Variants in TEX51 observed in about 807,000 individuals in gnomAD.
TEX51 encodes testis expressed 51.
In TEX51, 14 loss-of-function variants were observed where a neutral mutation model predicts 8.0. The observed-to-expected ratio is 1.76, with a 90% CI of 1.16 to 2.75. The LOEUF is 2.75. Among genes scored for constraint, TEX51 ranks in the 30% most tolerant of loss-of-function variants. TEX51 has a pLI of 0.00. For synonymous variants in TEX51, 58 were observed against 28.6 expected (o/e 2.03, Z -3.29); for missense variants, 142 against 77.4 (o/e 1.83, Z -3.13).
At position 126,898,948 on chromosome 2, in the gene TEX51, G is replaced by T; in HGVS notation, c.30G>T (p.Leu10=). ...TGCCTCTCCTGATCATCTGTCTCCT[G>T]CCTGCCATTGAAGGGAAGAACTGCC... is the stretch of plus-strand genomic sequence containing the variant. The part of the protein sequence containing the change: MLPLLIICL[L]PAIEGKNCLR... The change falls in exon 1 of 7, where the codon CTG becomes CTT. Residue 10 remains leucine (L), a synonymous_variant. Coordinates refer to ENST00000568484, the MANE Select transcript of TEX51 (RefSeq NM_001322244.2). 1 of 701,070 alleles carries T rather than the reference G, an allele frequency of 1.4e-6. No individual in the cohort carries two copies. Among genetic ancestry groups the T allele is most frequent in the Non-Finnish European group, 2.6e-6 (1 of 384,800 alleles). The allele number at this position is 701,070 out of a possible 1,614,324, so 43.4% of individuals were successfully genotyped here. A position where few individuals can be genotyped will look rare whatever the true frequency, so the allele number is the denominator to read the frequency against.
At chr2:126,899,727 C>T in intron 3 of TEX51, 115 bp downstream of exon 3, 2 of 699,146 alleles carry the variant, frequency 2.9e-6, no homozygotes, top group Non-Finnish European at 5.2e-6. Context: ...CCCCACCCCT[C>T]TCCATGAATG....
At position 126,899,456 on chromosome 2, in the gene TEX51, A is replaced by G. The variant is rs1055419658; in HGVS notation, c.221-67A>G. 91 of 680,354 alleles carry G rather than the reference A, an allele frequency of 1.3e-4. No homozygotes were observed. In the African/African-American group the frequency reaches 1.4e-3, roughly 11 times the overall value. The allele number at this position is 680,354 out of a possible 1,614,324, so 42.1% of individuals were successfully genotyped here. A position where few individuals can be genotyped will look rare whatever the true frequency, so the allele number is the denominator to read the frequency against. On this transcript the variant is annotated intron_variant, in intron 2 of 6. Coordinates refer to ENST00000568484, the MANE Select transcript of TEX51 (RefSeq NM_001322244.2). Reference sequence around the variant, plus strand: ...TCTTTGGAACTTCCATGTAGAAACAAGGGTCTGAAAACCCAACCTTGAGCA... The same window carrying G: ...TCTTTGGAACTTCCATGTAGAAACAGGGGTCTGAAAACCCAACCTTGAGCA...
At chr2:126,899,107 C>T (rs1313464578) in intron 1 of TEX51, 44 bp downstream of exon 1, 3 of 701,172 alleles carry the variant, frequency 4.3e-6, no homozygotes, top group South Asian at 3.0e-5. Flanking sequence ...TTCTCAAACC[C>T]TGGTACCTTG....
At position 126,902,001 on chromosome 2, in the gene TEX51, A is replaced by C; in HGVS notation, c.*132A>C. The C allele has an allele frequency of 1.7e-6, 1 of 576,284 alleles. No homozygotes were observed. The highest frequency in any genetic ancestry group is 2.1e-5 in the South Asian group (1 of 47,582). 35.7% of individuals were successfully genotyped at this position (576,284 alleles called of 1,614,324 possible). On this transcript the variant is annotated 3_prime_UTR_variant, in exon 7 of 7. Coordinates refer to ENST00000568484, the MANE Select transcript of TEX51 (RefSeq NM_001322244.2). The stretch of plus-strand genomic sequence containing the variant: ...CCTCCATCCTGGGTCCTGGGGCCCC[A>C]AAGCTCTGAGGCCTAGGAGACTGCG...
chr2:126,899,995 T>A lies in TEX51; in HGVS notation c.370T>A (p.Cys124Ser), dbSNP rs1212991634. 1.4e-6 allele frequency: 1 copy of A among 701,138 alleles called. No individual in the cohort carries two copies. Among genetic ancestry groups the A allele is most frequent in the South Asian group, 1.5e-5 (1 of 67,526 alleles). The allele number at this position is 701,138 out of a possible 1,614,324, so 43.4% of individuals were successfully genotyped here. ...TGACTGCAGGACTCACTTCCTCTCC[T>A]GCAATGACCCCACTTTCTGCCCAGG... The part of the protein sequence containing the change: ...CADCRTHFLS[C>S]NDPTFCPARN... The change falls in exon 4 of 7, where the codon TGC becomes AGC. Residue 124 changes from cysteine to serine, a missense_variant. Coordinates refer to ENST00000568484, the MANE Select transcript of TEX51 (RefSeq NM_001322244.2).
Position 126,899,998 on chromosome 2 carries a change from A to C in TEX51, c.373A>C (p.Asn125His), listed in dbSNP as rs551894807. 1.6e-4 allele frequency: 111 copies of C among 700,958 alleles called. No individual in the cohort carries two copies. Among genetic ancestry groups the C allele is most frequent in the Admixed American group, 2.6e-4 (13 of 49,960 alleles). 43.4% of individuals were successfully genotyped at this position (700,958 alleles called of 1,614,324 possible). The change falls in exon 4 of 7, where the codon AAT becomes CAT. Residue 125 changes from asparagine to histidine, a missense_variant. Physicochemically the swap from Asn to His is moderately conservative, Grantham distance 68 (BLOSUM62 1). Coordinates refer to ENST00000568484, the MANE Select transcript of TEX51 (RefSeq NM_001322244.2). ...CTGCAGGACTCACTTCCTCTCCTGC[A>C]ATGACCCCACTTTCTGCCCAGGTCA... is the stretch of plus-strand genomic sequence containing the variant. ...ADCRTHFLSC[N>H]DPTFCPARNR...
Position 126,898,897 on chromosome 2 carries a change from C to T in TEX51, c.-22C>T. On this transcript the variant is annotated 5_prime_UTR_variant, in exon 1 of 7. Transcript: ENST00000568484. ...GGAACTTCCAGGCAGGGCACTGGGG[C>T]ACAGTAGGAGGAACCCAGAAGATGC... 4.3e-6 allele frequency: 3 copies of T among 691,684 alleles called. No individual in the cohort carries two copies. The highest frequency in any genetic ancestry group is 7.9e-6 in the Non-Finnish European group (3 of 378,080). The allele number at this position is 691,684 out of a possible 1,614,324, so 42.8% of individuals were successfully genotyped here.
At chr2:126,901,804 G>C (rs1680346660) in intron 6 of TEX51, 68 bp from the exon 7 acceptor site, 4 of 568,498 alleles carry the variant, frequency 7.0e-6, no homozygotes, top group South Asian at 6.7e-5. Flanking sequence ...GGAAGTTAGA[G>C]AGACAGGGAG....
Position 126,899,038 on chromosome 2 carries a change from AG to A in TEX51, c.123del (p.Pro42HisfsTer52), listed in dbSNP as rs1680172556. On this transcript the variant is annotated frameshift_variant, in exon 1 of 7. Transcript: ENST00000568484. LOFTEE classifies it high-confidence loss of function. ...YDLQILWVTP[G>X]PPTELSQNRD... ...ACCTGCAGATCCTCTGGGTGACCCC[AG>A]GGCCACCCACAGAACTTTCTCAAAG... 2.8e-6 allele frequency: 2 copies of A among 702,308 alleles called. No homozygotes were observed. Among genetic ancestry groups the A allele is most frequent in the East Asian group, 5.4e-5 (2 of 37,276 alleles). The allele number at this position is 702,308 out of a possible 1,614,324, so 43.5% of individuals were successfully genotyped here. A position where few individuals can be genotyped will look rare whatever the true frequency, so the allele number is the denominator to read the frequency against.
chr2:126,899,645 C>T (rs3795873), intron 3 of TEX51, 33 bp downstream of exon 3: 573,066 of 696,790 alleles, frequency 0.82, 240,644 homozygotes, highest in Non-Finnish European at 0.87. Flanking sequence ...GCACACGGCC[C>T]AGCCCTCCAC....
At chr2:126,901,138 G>A (rs1680306772) in intron 4 of TEX51, 72 bp from the exon 5 acceptor site, 1 of 599,922 alleles carries the variant, frequency 1.7e-6, no homozygotes, top group Admixed American at 2.9e-5. Flanking sequence ...ATGAGAGGAT[G>A]GTGGCCTTCT....
rs1447944833 is a variant in TEX51 at position 126,898,944 on chromosome 2, T to C, written c.26T>C (p.Leu9Pro). 1.4e-6 allele frequency: 1 copy of C among 700,870 alleles called. No individual in the cohort carries two copies. The highest frequency in any genetic ancestry group is 2.6e-6 in the Non-Finnish European group (1 of 384,812). The allele number at this position is 700,870 out of a possible 1,614,324, so 43.4% of individuals were successfully genotyped here. A position where few individuals can be genotyped will look rare whatever the true frequency, so the allele number is the denominator to read the frequency against. Residue 9 changes from leucine (L) to proline (P), a missense_variant, in exon 1 of 7, where the codon CTC becomes CCC. By Grantham distance (98) the Leu-to-Pro change is moderately conservative. Coordinates refer to ENST00000568484, the MANE Select transcript of TEX51 (RefSeq NM_001322244.2). MLPLLIICLLPAIEGKNCL... is the reference protein window; with the variant it reads MLPLLIICPLPAIEGKNCL... ...ATGCTGCCTCTCCTGATCATCTGTCTCCTGCCTGCCATTGAAGGGAAGAAC... is the reference window on the plus strand; with the variant it reads ...ATGCTGCCTCTCCTGATCATCTGTCCCCTGCCTGCCATTGAAGGGAAGAAC...
Position 126,901,351 on chromosome 2 carries a change from G to A in TEX51, c.464-14G>A. 1 of 702,302 alleles carries A rather than the reference G, an allele frequency of 1.4e-6. No homozygotes were observed. The highest frequency in any genetic ancestry group is 1.7e-5 in the African/African-American group (1 of 57,366). The allele number at this position is 702,302 out of a possible 1,614,324, so 43.5% of individuals were successfully genotyped here. On this transcript the variant is annotated splice_polypyrimidine_tract_variant and intron_variant, in intron 5 of 6. Coordinates refer to ENST00000568484, the MANE Select transcript of TEX51 (RefSeq NM_001322244.2). ...CCTATTCCCTGACTGACTCCACCCTGTTTCTTGGCCCAGATGTTTCTTTTA... is the reference window on the plus strand; with the variant it reads ...CCTATTCCCTGACTGACTCCACCCTATTTCTTGGCCCAGATGTTTCTTTTA...
chr2:126,899,774 C>A, intron 3 of TEX51, 162 bp downstream of exon 3: 1 of 702,148 alleles, frequency 1.4e-6, no homozygotes, highest in Non-Finnish European at 2.6e-6. Flanking sequence ...ACCCCAGAAC[C>A]CCTTGGCTCT....
rs563846517 is a variant in TEX51 at position 126,901,750 on chromosome 2, G to A, written c.*3-122G>A. ...CAGGGACCATTAGCATGGCTGCCTT[G>A]CCCTCTGCTCTGGGTTGGGTTTGGC... is the stretch of plus-strand genomic sequence containing the variant. On this transcript the variant is annotated intron_variant, in intron 6 of 6. Coordinates refer to ENST00000568484, the MANE Select transcript of TEX51 (RefSeq NM_001322244.2). 2.7e-3 allele frequency: 1,556 copies of A among 571,686 alleles called. 5 individuals are homozygous for A. The highest frequency in any genetic ancestry group is 4.0e-3 in the Non-Finnish European group (1,286 of 321,866). The allele number at this position is 571,686 out of a possible 1,614,324, so 35.4% of individuals were successfully genotyped here. A position where few individuals can be genotyped will look rare whatever the true frequency, so the allele number is the denominator to read the frequency against.
At chr2:126,899,914 C>T (rs1192872249) in intron 3 of TEX51, 22 bp from the exon 4 acceptor site, 1 of 702,070 alleles carries the variant, frequency 1.4e-6, no homozygotes, top group African/African-American at 1.7e-5. Flanking sequence ...ACCCCCTAGC[C>T]CCTGTCCCTC....
At chr2:126,900,321 G>T (rs1308422968) in intron 4 of TEX51, among the ~76,000 whole-genome samples, 1 of 151,276 alleles carries the variant, frequency 6.6e-6, no homozygotes, top group Admixed American at 6.6e-5. Context: ...TTGGACCCGG[G>T]AGGTGGAGGT....
At position 126,901,950 on chromosome 2, in the gene TEX51, G is replaced by A. The variant is rs573136227; in HGVS notation, c.*81G>A. 3.0e-6 allele frequency: 2 copies of A among 668,438 alleles called. No individual in the cohort carries two copies. The highest frequency in any genetic ancestry group is 1.6e-5 in the South Asian group (1 of 62,998). The allele number at this position is 668,438 out of a possible 1,614,324, so 41.4% of individuals were successfully genotyped here. ...CGTCACAAAGTTCACTCATCTCTGGGTCCCGGTGACCCCATCCCCCCATAC... is the reference window on the plus strand; with the variant it reads ...CGTCACAAAGTTCACTCATCTCTGGATCCCGGTGACCCCATCCCCCCATAC... On this transcript the variant is annotated 3_prime_UTR_variant, in exon 7 of 7. Transcript: ENST00000568484.
rs1416942237 is a variant in TEX51 at position 126,901,194 on chromosome 2, C to G, written c.395-16C>G. ...GCCTGGCCTCCAAACACCTGGCTTC[C>G]TCTTTCACACCCCAGCCAGGAACCG... On this transcript the variant is annotated splice_polypyrimidine_tract_variant and intron_variant, in intron 4 of 6. Transcript: ENST00000568484. The G allele has an allele frequency of 2.1e-5, 13 of 625,860 alleles. No homozygotes were observed. In the South Asian group the frequency reaches 2.4e-4, roughly 11 times the overall value. The allele number at this position is 625,860 out of a possible 1,614,324, so 38.8% of individuals were successfully genotyped here.
Sources: gnomAD v4.1 joint callset for allele counts (sites outside exome capture counted in the v4.1 genomes callset) on GRCh38, gnomAD v4.1.1 for gene constraint, MANE v1.5 for transcripts, NCBI Gene and HGNC (gene_info 2026-07-23, HGNC 2026-07-21) for gene names.